The following ADGRG6 variants were observed in gnomAD, a reference collection of about 807,000 sequenced individuals.
ADGRG6 encodes G-protein coupled receptor 126.
Under a neutral mutation model 142.4 loss-of-function variants are expected in ADGRG6, and 84 were observed. That is an observed-to-expected ratio of 0.59 (90% CI 0.49 to 0.71). ADGRG6 has a LOEUF of 0.71. Among genes scored for constraint, ADGRG6 ranks in the 30% least tolerant of loss-of-function variants. The pLI is 0.00. For missense variants in ADGRG6, 1,367 were observed against 1,466.6 expected (o/e 0.93, Z 1.11); for synonymous variants, 521 against 520.5 (o/e 1.00, Z -0.01).
chr6:142,372,231 T>C (rs957476066), intron 4 of ADGRG6, among the ~76,000 whole-genome samples: 1 of 152,190 alleles, frequency 6.6e-6, no homozygotes, highest in Admixed American at 6.5e-5. Flanking sequence ...AAAGTAGAAG[T>C]TTCATTATCA....
At chr6:142,378,495 A>G (rs1244811613) in intron 4 of ADGRG6, among the ~76,000 whole-genome samples, 1 of 152,242 alleles carries the variant, frequency 6.6e-6, no homozygotes, top group Non-Finnish European at 1.5e-5. Flanking sequence ...GAGGTCCTAC[A>G]AAAAATGGGC....
chr6:142,411,189 A>C, intron 17 of ADGRG6, 116 bp from the exon 18 acceptor site: 1 of 634,052 alleles, frequency 1.6e-6, no homozygotes, highest in Non-Finnish European at 2.9e-6. Flanking sequence ...TCCATTTTAC[A>C]GATAAACTCT....
At chr6:142,332,474 T>A (rs1330159265) in intron 2 of ADGRG6, among the ~76,000 whole-genome samples, 4 of 151,080 alleles carry the variant, frequency 2.6e-5, no homozygotes, top group Non-Finnish European at 5.9e-5. Context: ...TCGAATTTTT[T>A]AACTAGCATG....
chr6:142,325,834 C>T (rs1778748515), intron 2 of ADGRG6, among the ~76,000 whole-genome samples: 1 of 151,844 alleles, frequency 6.6e-6, no homozygotes, highest in Admixed American at 6.6e-5. Context: ...AAAATAGTCT[C>T]TGCTGTAATC....
intron 10 of ADGRG6, 73 bp downstream of exon 10, chr6:142,397,828 A>G: frequency 1.0e-6 from 1 of 970,752 alleles, no homozygotes; most frequent in Middle Eastern, 2.5e-4. Context: ...ACAACAGCAG[A>G]AATTTTCTTT....
At chr6:142,442,487 C>A (rs1424054211) in intron 24 of ADGRG6, among the ~76,000 whole-genome samples, 3 of 151,982 alleles carry the variant, frequency 2.0e-5, no homozygotes, top group Non-Finnish European at 1.5e-5. Flanking sequence ...AGGGAAATAA[C>A]ATTTAAATAT....
chr6:142,414,575 C>T (rs943611312), intron 18 of ADGRG6, among the ~76,000 whole-genome samples: 2 of 152,156 alleles, frequency 1.3e-5, no homozygotes, highest in Admixed American at 6.5e-5. Flanking sequence ...ATATAGACTA[C>T]TGTGGTCTCC....
chr6:142,402,111 G>C, intron 12 of ADGRG6, 53 bp downstream of exon 12: 1 of 811,544 alleles, frequency 1.2e-6, no homozygotes, highest in Non-Finnish European at 2.1e-6. Flanking sequence ...ATGACTTCAT[G>C]CTTCATGATT....
At chr6:142,438,397 C>T (rs1307047712) in intron 24 of ADGRG6, 33 bp downstream of exon 24, 1 of 1,477,334 alleles carries the variant, frequency 6.8e-7, no homozygotes, top group Admixed American at 2.2e-5. Context: ...GTTTAGTTCT[C>T]ATCACATTTT....
chr6:142,390,273 G>A lies in ADGRG6; in HGVS notation c.1238G>A (p.Arg413Lys), dbSNP rs534089695. The change falls in exon 7 of 25, where the codon AGA (arginine) becomes AAA (lysine). Residue 413 changes from arginine (R) to lysine (K), a missense_variant. By Grantham distance (26) the Arg-to-Lys change is conservative. Coordinates refer to ENST00000367609, the MANE Select transcript of ADGRG6 (RefSeq NM_198569.3). ...CAATGGGCAGATGGAATTATCTATAGAATATCCGTAGTGATTCAGAACATC... is the reference window on the plus strand; with the variant it reads ...CAATGGGCAGATGGAATTATCTATAAAATATCCGTAGTGATTCAGAACATC... Reference protein sequence around the residue: ...DKQRNDGIIYRISVVIQNILR... With the variant: ...DKQRNDGIIYKISVVIQNILR... 11 of 1,581,194 alleles carry A rather than the reference G, an allele frequency of 7.0e-6. No homozygotes were observed. In the South Asian group the frequency reaches 1.1e-4, roughly 16 times the overall value.
In ADGRG6 at chr6:142,336,059, A is replaced by G. The variant is rs1162458456; in HGVS notation, c.103+26415A>G. Among the ~76,000 whole-genome samples, 5 of 152,210 alleles carry G rather than the reference A, an allele frequency of 3.3e-5. No homozygotes were observed. In the South Asian group the frequency reaches 8.3e-4, roughly 25 times the overall value. Reference sequence around the variant, plus strand: ...TTAGTCAAAGTTTTGCTTGTTACTCAAAGCAACTTTTTATGATCTCTTTTT... The same window carrying G: ...TTAGTCAAAGTTTTGCTTGTTACTCGAAGCAACTTTTTATGATCTCTTTTT... On this transcript the variant is annotated intron_variant, in intron 2 of 24. Transcript: ENST00000367609.
chr6:142,410,702 A>G (rs1451626191), intron 17 of ADGRG6, among the ~76,000 whole-genome samples: 1 of 151,980 alleles, frequency 6.6e-6, no homozygotes, highest in Non-Finnish European at 1.5e-5. Context: ...TTTTGAGAAG[A>G]TCTTTACTCA....
At chr6:142,414,368 A>T (rs1394216306) in intron 18 of ADGRG6, among the ~76,000 whole-genome samples, 1 of 152,214 alleles carries the variant, frequency 6.6e-6, no homozygotes, top group Admixed American at 6.5e-5. Flanking sequence ...AAAAAAGTCT[A>T]TGACCCCCAA....
intron 21 of ADGRG6, among the ~76,000 whole-genome samples, 182 bp downstream of exon 21, chr6:142,417,551 T>G (rs1207596094): frequency 2.0e-5 from 3 of 152,148 alleles, no homozygotes; most frequent in Non-Finnish European, 4.4e-5. Context: ...TTGAGACACT[T>G]TTTCATATTA....
chr6:142,359,989 CTT>C (rs1780639299), intron 2 of ADGRG6, among the ~76,000 whole-genome samples: 1 of 152,174 alleles, frequency 6.6e-6, no homozygotes. Context: ...GGAGACCAAA[CTT>C]TTATCCAAGA....
chr6:142,403,620 T>A (rs1775648154), intron 13 of ADGRG6, among the ~76,000 whole-genome samples, 182 bp from the exon 14 acceptor site: 1 of 152,234 alleles, frequency 6.6e-6, no homozygotes, highest in Non-Finnish European at 1.5e-5. Context: ...TCCATCCCTG[T>A]GATTCCATAT....
chr6:142,397,939 C>G (rs1223372391), intron 10 of ADGRG6, among the ~76,000 whole-genome samples, 184 bp downstream of exon 10: 1 of 151,630 alleles, frequency 6.6e-6, no homozygotes, highest in Non-Finnish European at 1.5e-5. Flanking sequence ...TCTGTGAATC[C>G]AAGGGAATGA....
rs141126701 is a variant in ADGRG6 at position 142,429,187 on chromosome 6, C to T, written c.3320-8247C>T. ...CAGTGTTAAGTAATTTAGAGAAATG[C>T]GTATTATTATTATAGTATTGGTAAA... On this transcript the variant is annotated intron_variant, in intron 22 of 24. Transcript: ENST00000367609. Among the ~76,000 whole-genome samples the T allele has an allele frequency of 8.9e-3, 1,361 of 152,074 alleles. 22 individuals carry two copies. Among genetic ancestry groups the T allele is most frequent in the African/African-American group, 0.027 (1,100 of 41,456 alleles).
At chr6:142,432,729 T>A (rs953949892) in intron 22 of ADGRG6, among the ~76,000 whole-genome samples, 3 of 152,230 alleles carry the variant, frequency 2.0e-5, no homozygotes. Context: ...CTTTATCCTC[T>A]CTGGCTGTGC....
Sources: gnomAD v4.1 joint callset for allele counts (sites outside exome capture counted in the v4.1 genomes callset) on GRCh38, gnomAD v4.1.1 for gene constraint, MANE v1.5 for transcripts, NCBI Gene and HGNC (gene_info 2026-07-23, HGNC 2026-07-21) for gene names.